COL3A1: variants seen among roughly 807,000 people sequenced by gnomAD.
COL3A1 encodes collagen alpha-1(III) chain.
A neutral mutation model predicts 200.9 loss-of-function variants in COL3A1; 46 were observed. That is an observed-to-expected ratio of 0.23 (90% CI 0.18 to 0.29). COL3A1 has a LOEUF of 0.29. COL3A1 is among the 10% of genes least tolerant of loss of function. The pLI, the probability that COL3A1 is intolerant of heterozygous loss-of-function variation, is 1.00. For synonymous variants in COL3A1, 650 were observed against 628.0 expected, an observed-to-expected ratio of 1.03 and a Z score of -0.52; for missense variants, 1,367 against 1,917.6, an observed-to-expected ratio of 0.71 and a Z score of 5.36.
At position 188,999,473 on chromosome 2, in the gene COL3A1, G is replaced by T. The variant is rs201468881; in HGVS notation, c.2125G>T (p.Ala709Ser). 2.5e-5 allele frequency: 40 copies of T among 1,614,102 alleles called. No homozygotes were observed. In the East Asian group the frequency reaches 8.9e-4, roughly 36 times the overall value. The stretch of plus-strand genomic sequence containing the variant: ...ATTATTTCTCACTTATTTTCAGGGT[G>T]CTGCTGGTCCTCCTGGGCCACCTGG... ...GPPGPEGGKG[A>S]AGPPGPPGAA... Residue 709 changes from alanine (A) to serine (S), a missense_variant, in exon 31 of 51, where the codon GCT becomes TCT. Ala to Ser is a moderately conservative substitution (Grantham distance 99). This residue lies in a region of COL3A1 where 846 missense variants were observed against 1,147.9 expected (regional missense o/e 0.74). Coordinates refer to ENST00000304636, the MANE Select transcript of COL3A1 (RefSeq NM_000090.4).
intron 7 of COL3A1, among the ~76,000 whole-genome samples, 169 bp downstream of exon 7, chr2:188,988,812 G>T (rs909832476): frequency 1.3e-5 from 2 of 151,906 alleles, no homozygotes; most frequent in African/African-American, 4.8e-5. Context: ...TCAATTGTTA[G>T]CTATCTTAGA....
At chr2:189,005,705 G>A in intron 41 of COL3A1, 1 of 498,354 alleles carries the variant, frequency 2.0e-6, no homozygotes, top group Non-Finnish European at 3.6e-6. Flanking sequence ...AAAAAAGTTA[G>A]TGGGGAGAAC....
chr2:189,005,866 T>G (rs1217679732), intron 41 of COL3A1, among the ~76,000 whole-genome samples: 1 of 152,182 alleles, frequency 6.6e-6, no homozygotes, highest in African/African-American at 2.4e-5. Flanking sequence ...TTTTAATATA[T>G]GTATACAATG....
chr2:189,011,981 A>G lies in COL3A1; in HGVS notation c.*207A>G. 1 of 602,540 alleles carries G rather than the reference A, an allele frequency of 1.7e-6. No individual in the cohort carries two copies. Among genetic ancestry groups the G allele is most frequent in the South Asian group, 2.0e-5 (1 of 49,364 alleles). The allele number at this position is 602,540 out of a possible 1,614,324, so 37.3% of individuals were successfully genotyped here. A position where few individuals can be genotyped will look rare whatever the true frequency, so the allele number is the denominator to read the frequency against. ...ATACAATTCAAATGCTTTTTGTTTT[A>G]TTTTTTTACCAATTCCAATTTCAAA... On this transcript the variant is annotated 3_prime_UTR_variant, in exon 51 of 51. Coordinates refer to ENST00000304636, the MANE Select transcript of COL3A1 (RefSeq NM_000090.4).
At position 188,994,970 on chromosome 2, in the gene COL3A1, A is replaced by G. The variant is rs546532086; in HGVS notation, c.1456-76A>G. On this transcript the variant is annotated intron_variant, in intron 20 of 50. Coordinates refer to ENST00000304636, the MANE Select transcript of COL3A1 (RefSeq NM_000090.4). This position sits in a 1 kb window ranked among gnomAD's most constrained non-coding sequence, Gnocchi z 4.5. Reference sequence around the variant, plus strand: ...TGTTTAAAGCATTCTATGACATAAAAATATTTGCCACTCAAGAATTATGAA... The same window carrying G: ...TGTTTAAAGCATTCTATGACATAAAGATATTTGCCACTCAAGAATTATGAA... The G allele has an allele frequency of 3.1e-5, 49 of 1,567,520 alleles. No homozygotes were observed. Among genetic ancestry groups the G allele is most frequent in the Non-Finnish European group, 4.3e-5 (49 of 1,137,830 alleles).
In COL3A1 at chr2:188,994,327, G is replaced by A. The variant is rs1688253514; in HGVS notation, c.1288G>A (p.Gly430Ser). 1 of 1,613,328 alleles carries A rather than the reference G, an allele frequency of 6.2e-7. No homozygotes were observed. Among genetic ancestry groups the A allele is most frequent in the African/African-American group, 1.3e-5 (1 of 74,882 alleles). ...GANGAPGLRGGAGEPGKNGAK... is the reference protein window; with the variant it reads ...GANGAPGLRGSAGEPGKNGAK... Reference sequence around the variant, plus strand: ...TAATGGTGCTCCTGGACTGCGAGGTGGTGCAGTAAGTTGCCTTGTTTTTTC... The same window carrying A: ...TAATGGTGCTCCTGGACTGCGAGGTAGTGCAGTAAGTTGCCTTGTTTTTTC... The change falls in exon 18 of 51, where the codon GGT becomes AGT. Residue 430 changes from glycine to serine, a missense_variant. Physicochemically the swap from Gly to Ser is moderately conservative, Grantham distance 56 (BLOSUM62 0). Around this residue, in one of 5 missense-constraint regions of COL3A1, gnomAD observed 462 missense variants for 681.4 expected, o/e 0.68. Transcript: ENST00000304636. The surrounding 1 kb of genome is among the most constrained non-coding windows in gnomAD (Gnocchi z 4.5).
rs1688738020 is a variant in COL3A1 at position 189,011,893 on chromosome 2, G to A, written c.*119G>A. ...AATTCCAGTTATTTATTTCCAAAATGTTTGGAAACAGTATAATTTGACAAA... is the reference window on the plus strand; with the variant it reads ...AATTCCAGTTATTTATTTCCAAAATATTTGGAAACAGTATAATTTGACAAA... On this transcript the variant is annotated 3_prime_UTR_variant, in exon 51 of 51. Transcript: ENST00000304636. 3 of 1,128,678 alleles carry A rather than the reference G, an allele frequency of 2.7e-6. No homozygotes were observed. Among genetic ancestry groups the A allele is most frequent in the Non-Finnish European group, 3.9e-6 (3 of 763,992 alleles). The allele number at this position is 1,128,678 out of a possible 1,614,324, so 69.9% of individuals were successfully genotyped here. A position where few individuals can be genotyped will look rare whatever the true frequency, so the allele number is the denominator to read the frequency against.
At position 189,007,569 on chromosome 2, in the gene COL3A1, C is replaced by G. The variant is rs112371422; in HGVS notation, c.3325C>G (p.Arg1109Gly). 1.5e-4 allele frequency: 237 copies of G among 1,613,428 alleles called. No individual in the cohort carries two copies. The highest frequency in any genetic ancestry group is 1.9e-4 in the Non-Finnish European group (222 of 1,179,738). Residue 1109 changes from arginine (R) to glycine (G), a missense_variant, in exon 45 of 51, where the codon CGA becomes GGA. Arg to Gly is a moderately radical substitution (Grantham distance 125, BLOSUM62 -2). Transcript: ENST00000304636. ...ERGAAGIKGH[R>G]GFPGNPGAPG... ...TGGAGCTGCTGGCATCAAAGGACAT[C>G]GAGGATTCCCTGGTAATCCAGGTGC...
At chr2:188,993,575 CT>C in intron 16 of COL3A1, 116 bp downstream of exon 16, 1 of 945,424 alleles carries the variant, frequency 1.1e-6, no homozygotes, top group Non-Finnish European at 1.7e-6. Flanking sequence ...GTGAAAATTA[CT>C]TTGAAAAAAT....
chr2:189,003,040 C>A lies in COL3A1; in HGVS notation c.2531C>A (p.Pro844His). Residue 844 changes from proline (P) to histidine (H), a missense_variant, in exon 36 of 51, where the codon CCC becomes CAC. By Grantham distance (77) the Pro-to-His change is moderately conservative (BLOSUM62 -2). Coordinates refer to ENST00000304636, the MANE Select transcript of COL3A1 (RefSeq NM_000090.4). ...GEGGPPGVAGPPGGSGPAGPP... is the reference protein window; with the variant it reads ...GEGGPPGVAGHPGGSGPAGPP... ...GGAGGCCCTCCTGGAGTTGCAGGACCCCCTGGAGGTTCTGGACCTGCTGTA... is the reference window on the plus strand; with the variant it reads ...GGAGGCCCTCCTGGAGTTGCAGGACACCCTGGAGGTTCTGGACCTGCTGTA... 1.9e-6 allele frequency: 3 copies of A among 1,551,332 alleles called. No homozygotes were observed. Among genetic ancestry groups the A allele is most frequent in the Non-Finnish European group, 2.6e-6 (3 of 1,146,822 alleles).
chr2:188,991,276 A>G (rs1170552812), intron 11 of COL3A1, among the ~76,000 whole-genome samples: 1 of 152,190 alleles, frequency 6.6e-6, no homozygotes, highest in Admixed American at 6.5e-5. Context: ...GCATCTTAGT[A>G]TAACTTATCA....
chr2:188,986,994 T>G, intron 4 of COL3A1, 65 bp from the exon 5 acceptor site: 1 of 1,441,318 alleles, frequency 6.9e-7, no homozygotes. Context: ...CACTTCTAAA[T>G]GCTTTTTAAA....
intron 34 of COL3A1, among the ~76,000 whole-genome samples, chr2:189,001,837 G>T (rs1688471060): frequency 6.6e-6 from 1 of 152,096 alleles, no homozygotes; most frequent in South Asian, 2.1e-4. Flanking sequence ...TACATGAATT[G>T]CACAAGTAGT....
chr2:188,992,177 T>A lies in COL3A1; in HGVS notation c.952-7T>A, dbSNP rs371250417. The A allele has an allele frequency of 1.1e-5, 17 of 1,613,742 alleles. No homozygotes were observed. In the African/African-American group the frequency reaches 2.0e-4, roughly 19 times the overall value. ...AAAGGATATTTGATGTAAACTTCTC[T>A]TTTTAGGGTGCTCGGGGTAATGACG... is the stretch of plus-strand genomic sequence containing the variant. On this transcript the variant is annotated splice_polypyrimidine_tract_variant and splice_region_variant and intron_variant, in intron 13 of 50. Transcript: ENST00000304636.
intron 24 of COL3A1, 134 bp from the exon 25 acceptor site, chr2:188,997,029 CAT>C (rs1206185762): frequency 1.1e-5 from 2 of 181,676 alleles, no homozygotes; most frequent in East Asian, 5.8e-4. Flanking sequence ...ATATATGAGA[CAT>C]ATATATATGA....
intron 1 of COL3A1, among the ~76,000 whole-genome samples, chr2:188,982,628 C>G (rs192160090): frequency 6.6e-6 from 1 of 151,698 alleles, no homozygotes; most frequent in Non-Finnish European, 1.5e-5. Context: ...ATGCCTGATC[C>G]AGAGGCAATG....
chr2:188,999,272 A>G lies in COL3A1; in HGVS notation c.2023-13A>G. The G allele has an allele frequency of 1.3e-6, 2 of 1,558,320 alleles. No homozygotes were observed. The highest frequency in any genetic ancestry group is 1.7e-6 in the Non-Finnish European group (2 of 1,150,496). On this transcript the variant is annotated splice_polypyrimidine_tract_variant and intron_variant, in intron 29 of 50. Transcript: ENST00000304636. ...GGTTGTCTAATATGGTTATTTACAT[A>G]TTTTTGTCACAGGGTGATGCTGGTG...
At chr2:188,981,789 T>TC (rs986733026) in intron 1 of COL3A1, among the ~76,000 whole-genome samples, 73 of 151,740 alleles carry the variant, frequency 4.8e-4, no homozygotes, top group African/African-American at 1.6e-3. Flanking sequence ...CCATGAAACA[T>TC]CAATCTAAGA....
rs942047194 is a variant in COL3A1 at position 189,011,938 on chromosome 2, T to C, written c.*164T>C. 1.1e-5 allele frequency: 8 copies of C among 733,138 alleles called. No individual in the cohort carries two copies. Among genetic ancestry groups the C allele is most frequent in the African/African-American group, 1.8e-5 (1 of 56,174 alleles). The allele number at this position is 733,138 out of a possible 1,614,324, so 45.4% of individuals were successfully genotyped here. A position where few individuals can be genotyped will look rare whatever the true frequency, so the allele number is the denominator to read the frequency against. On this transcript the variant is annotated 3_prime_UTR_variant, in exon 51 of 51. Transcript: ENST00000304636. ...GACAAAGAAAAATGATACTTCTCTTTTTTTGCTGTTCCACCAAATACAATT... is the reference window on the plus strand; with the variant it reads ...GACAAAGAAAAATGATACTTCTCTTCTTTTGCTGTTCCACCAAATACAATT...
Sources: allele counts gnomAD v4.1 joint callset (sites outside exome capture counted in the v4.1 genomes callset), GRCh38; gene constraint gnomAD v4.1.1; regional missense constraint gnomAD v4.1.1; non-coding constraint Gnocchi (gnomAD v3.1); transcripts MANE v1.5; gene names NCBI Gene and HGNC (gene_info 2026-07-23, HGNC 2026-07-21).